CCDC18: variants seen among roughly 807,000 people sequenced by gnomAD.
CCDC18 encodes coiled-coil domain-containing protein 18.
A neutral mutation model predicts 196.0 loss-of-function variants in CCDC18; 157 were observed. The observed-to-expected ratio is 0.80, with a 90% CI of 0.70 to 0.91. The LOEUF (loss-of-function observed/expected upper bound fraction) is 0.91. Among genes scored for constraint, CCDC18 ranks in the 40% least tolerant of loss-of-function variants. The pLI, the probability that CCDC18 is intolerant of heterozygous loss-of-function variation, is 0.00. For missense variants in CCDC18, 1,465 were observed against 1,611.6 expected (o/e 0.91, Z 1.56); for synonymous variants, 482 against 529.2 (o/e 0.91, Z 1.22).
chr1:93,208,473 A>G (rs749173602), intron 9 of CCDC18, among the ~76,000 whole-genome samples: 3 of 151,896 alleles, frequency 2.0e-5, no homozygotes, highest in Non-Finnish European at 2.9e-5. Flanking sequence ...CTGGGACTAC[A>G]GGCACAAGGG....
At chr1:93,248,204 G>A (rs192089513) in intron 23 of CCDC18, among the ~76,000 whole-genome samples, 20 of 151,612 alleles carry the variant, frequency 1.3e-4, no homozygotes, top group Non-Finnish European at 2.1e-4. Context: ...TAGTAGAGAC[G>A]GCGTTTCACC....
chr1:93,246,963 T>A lies in CCDC18; in HGVS notation c.3198+9T>A. 9.4e-7 allele frequency: 1 copy of A among 1,066,806 alleles called. No homozygotes were observed. The highest frequency in any genetic ancestry group is 1.4e-6 in the Non-Finnish European group (1 of 716,742). The allele number at this position is 1,066,806 out of a possible 1,614,324, so 66.1% of individuals were successfully genotyped here. On this transcript the variant is annotated intron_variant, in intron 23 of 28. Transcript: ENST00000690025. ...AAGAATGTAACAAACAGGTAAATTA[T>A]TTTAAAATTACGTATTTTAAATTAT...
Position 93,236,542 on chromosome 1 carries a change from T to C in CCDC18, c.2603+152T>C, listed in dbSNP as rs964272346. 2.0e-5 allele frequency: 14 copies of C among 707,900 alleles called. No individual in the cohort carries two copies. The East Asian group carries it at 4.4e-4, about 22-fold the overall frequency. The allele number at this position is 707,900 out of a possible 1,614,324, so 43.9% of individuals were successfully genotyped here. On this transcript the variant is annotated intron_variant, in intron 19 of 28. Coordinates refer to ENST00000690025, the MANE Select transcript of CCDC18 (RefSeq NM_001378204.1). ...TTGCATTTTGTTTGTATTTCCTTCA[T>C]ATCTCTCATTATGCTTTTTACTGTA...
chr1:93,266,362 C>T (rs1221817722), intron 27 of CCDC18, among the ~76,000 whole-genome samples: 2 of 152,088 alleles, frequency 1.3e-5, no homozygotes, highest in Non-Finnish European at 2.9e-5. Flanking sequence ...AAATTGACAT[C>T]CTGACATCAC....
intron 28 of CCDC18, chr1:93,271,083 TA>T (rs1665219236): frequency 1.0e-6 from 1 of 983,040 alleles, no homozygotes; most frequent in Non-Finnish European, 1.2e-6. Flanking sequence ...TGCTTAAAAA[TA>T]AAAAAATTAA....
At chr1:93,217,977 T>C in intron 14 of CCDC18, 108 bp downstream of exon 14, 1 of 870,602 alleles carries the variant, frequency 1.1e-6, no homozygotes, top group Non-Finnish European at 1.8e-6. Flanking sequence ...CAAAAGTTAG[T>C]GGCAAGAGCT....
chr1:93,208,341 TG>T (rs66681598), intron 9 of CCDC18, among the ~76,000 whole-genome samples: 21 of 150,996 alleles, frequency 1.4e-4, no homozygotes, highest in Non-Finnish European at 2.2e-4. Flanking sequence ...TTTGTTTGTT[TG>T]TTTTTTTGAC....
chr1:93,265,216 A>C (rs1455438936), intron 27 of CCDC18, among the ~76,000 whole-genome samples: 1 of 152,162 alleles, frequency 6.6e-6, no homozygotes, highest in East Asian at 1.9e-4. Context: ...TAAAATCATA[A>C]AGTAGGCCGG....
At chr1:93,266,355 T>C (rs1438642203) in intron 27 of CCDC18, among the ~76,000 whole-genome samples, 9 of 152,116 alleles carry the variant, frequency 5.9e-5, no homozygotes, top group African/African-American at 2.2e-4. Flanking sequence ...AGATCTAAAA[T>C]TGACATCCTG....
chr1:93,224,915 A>G (rs577235782), intron 16 of CCDC18, among the ~76,000 whole-genome samples: 17 of 152,376 alleles, frequency 1.1e-4, no homozygotes, highest in African/African-American at 3.8e-4. Flanking sequence ...CTAAGTATTT[A>G]TAATTTTCAT....
At chr1:93,201,047 A>C (rs1487500650) in intron 6 of CCDC18, among the ~76,000 whole-genome samples, 1 of 152,174 alleles carries the variant, frequency 6.6e-6, no homozygotes, top group East Asian at 1.9e-4. Context: ...AACCACATAG[A>C]CTCAGAAAGT....
At chr1:93,215,077 A>G (rs2102064526) in intron 12 of CCDC18, 111 bp downstream of exon 12, 1 of 610,516 alleles carries the variant, frequency 1.6e-6, no homozygotes, top group Middle Eastern at 4.6e-4. Context: ...AAAGTTTTTA[A>G]AAAATGGTAC....
intron 24 of CCDC18, among the ~76,000 whole-genome samples, chr1:93,255,195 C>G (rs936713418): frequency 1.3e-5 from 2 of 152,168 alleles, no homozygotes; most frequent in African/African-American, 4.8e-5. Context: ...TTGTGATCCA[C>G]CTGCCTTGGC....
In CCDC18 at chr1:93,183,958, G is replaced by GT. The variant is rs760050422; in HGVS notation, c.135-14dup. 2.1e-6 allele frequency: 3 copies of GT among 1,445,702 alleles called. No homozygotes were observed. The highest frequency in any genetic ancestry group is 2.8e-6 in the Non-Finnish European group (3 of 1,082,594). The allele number at this position is 1,445,702 out of a possible 1,614,324, so 89.6% of individuals were successfully genotyped here. On this transcript the variant is annotated intron_variant, in intron 2 of 28. Coordinates refer to ENST00000690025, the MANE Select transcript of CCDC18 (RefSeq NM_001378204.1). ...ATAAACTATCCAAGAACTGAAATAT[G>GT]TTTTTTCTTTTTTCTCTAGTGTTAG...
At chr1:93,276,850 GAA>G (rs1268779410) in intron 28 of CCDC18, among the ~76,000 whole-genome samples, 2 of 151,308 alleles carry the variant, frequency 1.3e-5, no homozygotes, top group African/African-American at 4.9e-5. Flanking sequence ...ATTTGGAAAA[GAA>G]AAAGACACAG....
chr1:93,260,623 C>CTT (rs957633424), intron 26 of CCDC18, among the ~76,000 whole-genome samples: 1 of 146,674 alleles, frequency 6.8e-6, no homozygotes, highest in Non-Finnish European at 1.5e-5. Context: ...ATTATACTTT[C>CTT]TTTTTTTTTT....
At chr1:93,220,981 T>C (rs879033397) in intron 14 of CCDC18, among the ~76,000 whole-genome samples, 1 of 152,230 alleles carries the variant, frequency 6.6e-6, no homozygotes, top group Admixed American at 6.5e-5. Flanking sequence ...TATGGCTGCA[T>C]AGTATTCCAT....
chr1:93,236,270 T>G lies in CCDC18; in HGVS notation c.2483T>G (p.Leu828Arg). The stretch of plus-strand genomic sequence containing the variant: ...AAGGTGTCAAAACTGGAACAAGAAC[T>G]TCAAAAACAAAGGGAAAGTTCAGCT... ...EKQVSKLEQE[L>R]QKQRESSAEK... The change falls in exon 19 of 29, where the codon CTT becomes CGT. Residue 828 changes from leucine to arginine, a missense_variant. Coordinates refer to ENST00000690025, the MANE Select transcript of CCDC18 (RefSeq NM_001378204.1). 6.3e-7 allele frequency: 1 copy of G among 1,576,562 alleles called. No homozygotes were observed. Among genetic ancestry groups the G allele is most frequent in the Non-Finnish European group, 8.6e-7 (1 of 1,169,352 alleles).
intron 27 of CCDC18, among the ~76,000 whole-genome samples, chr1:93,267,610 G>A (rs967741765): frequency 5.9e-5 from 9 of 152,166 alleles, no homozygotes; most frequent in African/African-American, 2.2e-4. Flanking sequence ...CAAAATCAAT[G>A]TGCAAAAATA....
Sources: gnomAD v4.1 joint callset for allele counts (sites outside exome capture counted in the v4.1 genomes callset) on GRCh38, gnomAD v4.1.1 for gene constraint, MANE v1.5 for transcripts, NCBI Gene and HGNC (gene_info 2026-07-23, HGNC 2026-07-21) for gene names.